The following KHDRBS2 variants were observed in gnomAD, a reference collection of about 807,000 sequenced individuals.
KHDRBS2 encodes the protein KH domain-containing, RNA-binding, signal transduction-associated protein 2.
Under a neutral mutation model 44.3 loss-of-function variants are expected in KHDRBS2, and 26 were observed. The ratio of observed to expected loss-of-function variants is 0.59; its 90% CI spans 0.43 to 0.81. The LOEUF is 0.81. Ranked by LOEUF, KHDRBS2 falls within the 40% of genes least tolerant of loss-of-function variation. The pLI is 0.00. For missense variants in KHDRBS2, 476 were observed against 433.1 expected, an observed-to-expected ratio of 1.10 and a Z score of -0.88; for synonymous variants, 194 against 151.1, an observed-to-expected ratio of 1.28 and a Z score of -2.08.
At chr6:61,542,906 ACT>A in the KHDRBS2 span, among the ~76,000 whole-genome samples, 1 of 151,980 alleles carries the variant, frequency 6.6e-6, no homozygotes, top group Non-Finnish European at 1.5e-5. Context: ...AGATATGATA[ACT>A]CTCAGGTACG....
At chr6:61,978,363 A>C in intron 3 of KHDRBS2, 151 bp from the exon 4 acceptor site, 3 of 560,050 alleles carry the variant, frequency 5.4e-6, no homozygotes, top group Non-Finnish European at 6.1e-6. Flanking sequence ...AGAAATAAAA[A>C]TCTGCTACAA....
At chr6:61,589,120 T>C in the KHDRBS2 span, among the ~76,000 whole-genome samples, 8 of 152,020 alleles carry the variant, frequency 5.3e-5, no homozygotes, top group Non-Finnish European at 1.0e-4. Flanking sequence ...AAATACCTAA[T>C]GCATGCAGGA....
rs1450808388 is a variant in KHDRBS2, at chr6:61,877,102, T to C, written c.810+17533A>G. 3.9e-5 allele frequency among the ~76,000 whole-genome samples: 6 copies of C among 152,130 alleles called. No homozygotes were observed. In the East Asian group the frequency reaches 1.2e-3, roughly 29 times the overall value. Reference sequence around the variant, plus strand: ...TTTGTGCCACAATGTCAGAGTTGAGTAGTCATGATAGAGACTACATTGCCC... The same window carrying C: ...TTTGTGCCACAATGTCAGAGTTGAGCAGTCATGATAGAGACTACATTGCCC... On this transcript the variant is annotated intron_variant, in intron 6 of 8. Transcript: ENST00000281156.
In KHDRBS2 at chr6:61,719,152, A is replaced by G. The variant is rs1465741235; in HGVS notation, c.893+13530T>C. Among the ~76,000 whole-genome samples the G allele has an allele frequency of 3.3e-5, 5 of 152,232 alleles. No homozygotes were observed. In the East Asian group the frequency reaches 9.7e-4, roughly 30 times the overall value. On this transcript the variant is annotated intron_variant, in intron 7 of 8. Coordinates refer to ENST00000281156, the MANE Select transcript of KHDRBS2 (RefSeq NM_152688.4). ...GAAAAGCAAAGACTTCCATTTAAAT[A>G]TTTTGCCTATTATACCAATCTACAG...
At chr6:62,184,611 T>C (rs1317876089) in intron 1 of KHDRBS2, among the ~76,000 whole-genome samples, 3 of 151,774 alleles carry the variant, frequency 2.0e-5, no homozygotes, top group Non-Finnish European at 4.4e-5. Context: ...TAAAATACCA[T>C]TTAGAAATTT....
the KHDRBS2 span, among the ~76,000 whole-genome samples, chr6:61,554,689 G>T: frequency 2.0e-5 from 3 of 152,084 alleles, no homozygotes; most frequent in East Asian, 3.9e-4. Context: ...AGGACCTCTT[G>T]TAAGGCAAAT....
At chr6:61,759,638 A>G (rs1467243445) in intron 6 of KHDRBS2, among the ~76,000 whole-genome samples, 1 of 152,162 alleles carries the variant, frequency 6.6e-6, no homozygotes, top group African/African-American at 2.4e-5. Flanking sequence ...TATGCTTCCA[A>G]TAGGTAACTT....
the KHDRBS2 span, among the ~76,000 whole-genome samples, chr6:61,579,885 C>T: frequency 8.4e-6 from 1 of 118,734 alleles, no homozygotes; most frequent in Admixed American, 8.7e-5. Flanking sequence ...TGGAGAAACC[C>T]CGTCTCTACT....
chr6:61,784,431 A>G (rs1413226060), intron 6 of KHDRBS2, among the ~76,000 whole-genome samples: 1 of 151,908 alleles, frequency 6.6e-6, no homozygotes, highest in African/African-American at 2.4e-5. Context: ...ATACAAATGT[A>G]ATATGAGAAA....
the KHDRBS2 span, among the ~76,000 whole-genome samples, chr6:61,620,770 T>C: frequency 1.3e-5 from 2 of 152,182 alleles, no homozygotes; most frequent in African/African-American, 4.8e-5. Context: ...AAGGGACTTA[T>C]AGCTGGGCTA....
intron 2 of KHDRBS2, among the ~76,000 whole-genome samples, chr6:62,114,635 A>G (rs1805782189): frequency 6.6e-6 from 1 of 152,156 alleles, no homozygotes; most frequent in Non-Finnish European, 1.5e-5. Context: ...AAAATATCTT[A>G]CATTCAATAT....
intron 2 of KHDRBS2, among the ~76,000 whole-genome samples, chr6:62,058,341 A>G (rs1457748031): frequency 1.3e-5 from 2 of 151,798 alleles, no homozygotes; most frequent in Non-Finnish European, 2.9e-5. Flanking sequence ...TGATACTCAA[A>G]TTCCTTTTGT....
At chr6:62,011,430 T>C (rs1461387552) in intron 3 of KHDRBS2, among the ~76,000 whole-genome samples, 3 of 152,134 alleles carry the variant, frequency 2.0e-5, no homozygotes, top group African/African-American at 7.2e-5. Context: ...ATGAATGAAA[T>C]ATGGCAATAC....
At chr6:62,281,930 A>G (rs1410943913) in intron 1 of KHDRBS2, among the ~76,000 whole-genome samples, 1 of 152,180 alleles carries the variant, frequency 6.6e-6, no homozygotes, top group Non-Finnish European at 1.5e-5. Flanking sequence ...GATAACTTGA[A>G]TTTAATTTTT....
At chr6:61,833,312 C>T (rs1233680084) in intron 6 of KHDRBS2, among the ~76,000 whole-genome samples, 2 of 152,154 alleles carry the variant, frequency 1.3e-5, no homozygotes, top group African/African-American at 4.8e-5. Flanking sequence ...TACCTATATT[C>T]TTTGTCCTGG....
At chr6:62,187,199 G>A (rs1176553185) in intron 1 of KHDRBS2, among the ~76,000 whole-genome samples, 3 of 152,004 alleles carry the variant, frequency 2.0e-5, no homozygotes, top group East Asian at 3.9e-4. Context: ...AACTCACGAC[G>A]ATATAAACAA....
chr6:62,143,396 T>C (rs193043854), intron 2 of KHDRBS2, among the ~76,000 whole-genome samples: 180 of 152,166 alleles, frequency 1.2e-3, no homozygotes, highest in Admixed American at 2.4e-3. Flanking sequence ...ATAGAATTAA[T>C]TTTAATGTAT....
chr6:62,180,557 T>C (rs1403559027), intron 1 of KHDRBS2, among the ~76,000 whole-genome samples: 2 of 151,754 alleles, frequency 1.3e-5, no homozygotes, highest in African/African-American at 2.4e-5. Flanking sequence ...CAAAAATAAA[T>C]GAAAAGACAC....
At chr6:61,699,592 G>A (rs1164752351) in intron 7 of KHDRBS2, among the ~76,000 whole-genome samples, 1 of 151,924 alleles carries the variant, frequency 6.6e-6, no homozygotes, top group African/African-American at 2.4e-5. Context: ...AAAATTAGAT[G>A]TTCTCTGAAT....
Sources: allele counts gnomAD v4.1 joint callset (sites outside exome capture counted in the v4.1 genomes callset), GRCh38; gene constraint gnomAD v4.1.1; transcripts MANE v1.5; gene names NCBI Gene and HGNC (gene_info 2026-07-23, HGNC 2026-07-21).